SLIT2: variants seen among roughly 807,000 people sequenced by gnomAD.
SLIT2 encodes slit homolog 2 protein.
In SLIT2, 41 loss-of-function variants were observed where a neutral mutation model predicts 185.7. That is an observed-to-expected ratio of 0.22 (90% confidence interval 0.17 to 0.29). The LOEUF (loss-of-function observed/expected upper bound fraction) is 0.29. Among genes scored for constraint, SLIT2 ranks in the 10% least tolerant of loss-of-function variants. The pLI is 1.00. For missense variants in SLIT2, 1,571 were observed against 1,909.0 expected, an observed-to-expected ratio of 0.82 and a Z score of 3.30; for synonymous variants, 693 against 680.2, an observed-to-expected ratio of 1.02 and a Z score of -0.29.
chr4:20,541,331 G>C (rs1722783419), intron 19 of SLIT2, 122 bp from the exon 20 acceptor site: 1 of 754,450 alleles, frequency 1.3e-6, no homozygotes, highest in South Asian at 1.9e-5. Context: ...ATGGGGACAG[G>C]GAATGCAAAG....
At chr4:20,281,526 G>A (rs1207727117) in intron 4 of SLIT2, among the ~76,000 whole-genome samples, 1 of 152,198 alleles carries the variant, frequency 6.6e-6, no homozygotes, top group African/African-American at 2.4e-5. Context: ...GGAATCTGGA[G>A]TCTGTTTCTA....
At chr4:20,355,931 A>G (rs2109277982) in intron 4 of SLIT2, among the ~76,000 whole-genome samples, 1 of 152,134 alleles carries the variant, frequency 6.6e-6, no homozygotes. Flanking sequence ...AATCTGATGC[A>G]TACATTTGAC....
chr4:20,380,727 G>GA, intron 4 of SLIT2, among the ~76,000 whole-genome samples: 1 of 151,954 alleles, frequency 6.6e-6, no homozygotes, highest in Non-Finnish European at 1.5e-5. Context: ...AAATGAAGCA[G>GA]AAAAAAGTAC....
chr4:20,581,105 G>A (rs549117090), intron 29 of SLIT2, among the ~76,000 whole-genome samples: 18 of 152,298 alleles, frequency 1.2e-4, no homozygotes, highest in African/African-American at 1.7e-4. Flanking sequence ...AAACAACAGA[G>A]TTTTATTGTC....
chr4:20,287,907 T>A (rs1301868202), intron 4 of SLIT2, among the ~76,000 whole-genome samples: 1 of 152,202 alleles, frequency 6.6e-6, no homozygotes, highest in Non-Finnish European at 1.5e-5. Flanking sequence ...AAGCTATGTA[T>A]TGATGTTTAA....
At chr4:20,474,389 A>G (rs1276217268) in intron 5 of SLIT2, among the ~76,000 whole-genome samples, 2 of 152,068 alleles carry the variant, frequency 1.3e-5, no homozygotes, top group Non-Finnish European at 2.9e-5. Context: ...CCCAACAACT[A>G]TGACAAAGTT....
At chr4:20,481,163 C>T (rs1163870426) in intron 6 of SLIT2, among the ~76,000 whole-genome samples, 1 of 151,942 alleles carries the variant, frequency 6.6e-6, no homozygotes, top group Admixed American at 6.6e-5. Context: ...AATGGAAACA[C>T]AGTTTCTCAT....
intron 11 of SLIT2, among the ~76,000 whole-genome samples, chr4:20,518,141 T>A (rs1720394276): frequency 1.4e-5 from 2 of 141,672 alleles, no homozygotes; most frequent in South Asian, 4.4e-4. Context: ...ATACATATAT[T>A]TATATATATA....
chr4:20,438,814 C>T (rs893435463), intron 4 of SLIT2, among the ~76,000 whole-genome samples: 4 of 152,200 alleles, frequency 2.6e-5, no homozygotes, highest in Non-Finnish European at 5.9e-5. Context: ...GAATATTCTT[C>T]CCTATGCAAT....
At chr4:20,272,348 A>G (rs1218661645) in intron 4 of SLIT2, among the ~76,000 whole-genome samples, 1 of 152,074 alleles carries the variant, frequency 6.6e-6, no homozygotes, top group African/African-American at 2.4e-5. Flanking sequence ...CTCCTCCAAA[A>G]TCAAGGTTGC....
intron 5 of SLIT2, among the ~76,000 whole-genome samples, chr4:20,469,903 T>G: frequency 6.6e-6 from 1 of 151,604 alleles, no homozygotes; most frequent in Non-Finnish European, 1.5e-5. Context: ...TTATAGGCAC[T>G]CGCCACCATG....
At chr4:20,466,621 C>T (rs944206331) in intron 4 of SLIT2, among the ~76,000 whole-genome samples, 5 of 152,190 alleles carry the variant, frequency 3.3e-5, no homozygotes, top group Admixed American at 2.6e-4. Context: ...GGTTCTCTCT[C>T]TCTCTGTTGC....
rs145793328 is a variant in SLIT2, at chr4:20,401,961, A to G, written c.396-65791A>G. ...TTTTAATTTTTTAAAATTTTTATTTAAAGTATTTTGTTTTATTCTTTCTCA... is the reference window on the plus strand; with the variant it reads ...TTTTAATTTTTTAAAATTTTTATTTGAAGTATTTTGTTTTATTCTTTCTCA... On this transcript the variant is annotated intron_variant, in intron 4 of 36. Transcript: ENST00000504154. 4.8e-3 allele frequency among the ~76,000 whole-genome samples: 727 copies of G among 152,010 alleles called. 7 individuals are homozygous for G. Among genetic ancestry groups the G allele is most frequent in the African/African-American group, 0.017 (691 of 41,528 alleles).
chr4:20,542,527 G>T lies in SLIT2; in HGVS notation c.2177G>T (p.Arg726Leu), dbSNP rs762189011. 7 of 1,613,500 alleles carry T rather than the reference G, an allele frequency of 4.3e-6. No individual in the cohort carries two copies. The highest frequency in any genetic ancestry group is 5.9e-6 in the Non-Finnish European group (7 of 1,179,648). Reference sequence around the variant, plus strand: ...GACAATAGTTGCTCCCCACTTTCTCGCTGTCCTACTGAATGTACTTGCTTG... The same window carrying T: ...GACAATAGTTGCTCCCCACTTTCTCTCTGTCCTACTGAATGTACTTGCTTG... ...NDDNSCSPLS[R>L]CPTECTCLDT... is the part of the protein sequence containing the mutation. Residue 726 changes from arginine to leucine, a missense_variant, in exon 21 of 37, where the codon CGC becomes CTC. Physicochemically the swap from Arg to Leu is moderately radical, Grantham distance 102. Around this residue, in one of 3 missense-constraint regions of SLIT2, gnomAD observed 1,202 missense variants for 1,416.4 expected, o/e 0.85. Coordinates refer to ENST00000504154, the MANE Select transcript of SLIT2 (RefSeq NM_004787.4).
chr4:20,512,788 A>C (rs1275748689), intron 11 of SLIT2, among the ~76,000 whole-genome samples: 1 of 152,198 alleles, frequency 6.6e-6, no homozygotes, highest in Non-Finnish European at 1.5e-5. Flanking sequence ...CAAGAAGAAG[A>C]GAAATCAGTG....
intron 9 of SLIT2, among the ~76,000 whole-genome samples, chr4:20,505,094 T>A (rs909877379): frequency 6.6e-6 from 1 of 152,136 alleles, no homozygotes; most frequent in Non-Finnish European, 1.5e-5. Context: ...ATTCTATTTT[T>A]GATTGCATAT....
chr4:20,294,855 G>A (rs1460566696), intron 4 of SLIT2, among the ~76,000 whole-genome samples: 2 of 152,096 alleles, frequency 1.3e-5, no homozygotes, highest in Non-Finnish European at 2.9e-5. Flanking sequence ...AACCTGAAAG[G>A]CAGTCAAAGA....
chr4:20,518,046 A>T (rs1720368693), intron 11 of SLIT2, among the ~76,000 whole-genome samples: 1 of 149,374 alleles, frequency 6.7e-6, no homozygotes, highest in African/African-American at 2.4e-5. Context: ...CTGCCATCTA[A>T]ATATGTTTCC....
chr4:20,256,719 C>A lies in SLIT2; in HGVS notation c.227C>A (p.Ala76Asp). Residue 76 changes from alanine (A) to aspartate (D), a missense_variant, in exon 2 of 37, where the codon GCT becomes GAT. Around this residue, in one of 3 missense-constraint regions of SLIT2, gnomAD observed 1,202 missense variants for 1,416.4 expected, o/e 0.85. Coordinates refer to ENST00000504154, the MANE Select transcript of SLIT2 (RefSeq NM_004787.4). ...NITRITKTDF[A>D]GLRHLRVLQL... is the part of the protein sequence containing the mutation. ...ACAAGAATTACGAAGACAGATTTTG[C>A]TGGTCTTAGACATCTAAGAGTTCTG... The A allele has an allele frequency of 6.4e-7, 1 of 1,566,672 alleles. No homozygotes were observed. Among genetic ancestry groups the A allele is most frequent in the Non-Finnish European group, 8.7e-7 (1 of 1,145,012 alleles).
Sources: allele counts gnomAD v4.1 joint callset (sites outside exome capture counted in the v4.1 genomes callset), GRCh38; gene constraint gnomAD v4.1.1; regional missense constraint gnomAD v4.1.1; transcripts MANE v1.5; gene names NCBI Gene and HGNC (gene_info 2026-07-23, HGNC 2026-07-21).